Variants in GREB1L observed in about 807,000 individuals in gnomAD.
The protein encoded by GREB1L is GREB1 like retinoic acid receptor coactivator.
A neutral mutation model predicts 200.8 loss-of-function variants in GREB1L; 17 were observed. That is an observed-to-expected ratio of 0.08 (90% confidence interval 0.06 to 0.13). The LOEUF (loss-of-function observed/expected upper bound fraction) is 0.13, where lower values mean the gene tolerates loss of function less well. Ranked by LOEUF, GREB1L falls within the 10% of genes least tolerant of loss-of-function variation. The pLI is 1.00. For missense variants in GREB1L, 1,657 were observed against 2,367.7 expected, an observed-to-expected ratio of 0.70 and a Z score of 6.23; for synonymous variants, 789 against 893.0, an observed-to-expected ratio of 0.88 and a Z score of 2.08.
At chr18:21,410,871 ACTTGAGCC>A (rs2030908914) in intron 7 of GREB1L, among the ~76,000 whole-genome samples, 1 of 151,252 alleles carries the variant, frequency 6.6e-6, no homozygotes, top group African/African-American at 2.4e-5. Flanking sequence ...CAGGAGGATC[ACTTGAGCC>A]CAGGAGGTTG....
In GREB1L at chr18:21,473,204, C is replaced by T; in HGVS notation, c.2356C>T (p.Leu786=). ...AGTTCATGACAACTCCCATGTGGAA[C>T]TAACGAGGTGATTGGTTCAGAGTGA... The part of the protein sequence containing the change: ...VLVHDNSHVE[L]TSVISGSLSH... Residue 786 remains leucine, a synonymous_variant, in exon 16 of 33, where the codon CTA becomes TTA. Transcript: ENST00000424526. The T allele has an allele frequency of 1.3e-6, 2 of 1,524,674 alleles. No homozygotes were observed. The highest frequency in any genetic ancestry group is 1.8e-6 in the Non-Finnish European group (2 of 1,132,090). The allele number at this position is 1,524,674 out of a possible 1,614,324, so 94.4% of individuals were successfully genotyped here.
intron 5 of GREB1L, among the ~76,000 whole-genome samples, chr18:21,400,269 A>G (rs775394326): frequency 2.6e-5 from 4 of 151,684 alleles, no homozygotes; most frequent in Admixed American, 6.6e-5. Flanking sequence ...TCTTTTTTCC[A>G]TGTCCCCTGT....
At chr18:21,250,872 T>G (rs905005745) in intron 1 of GREB1L, among the ~76,000 whole-genome samples, 1 of 152,240 alleles carries the variant, frequency 6.6e-6, no homozygotes, top group African/African-American at 2.4e-5. Flanking sequence ...TCTTGTTTCC[T>G]TTCTTCTTCC....
At chr18:21,302,807 C>T (rs2038639397) in intron 1 of GREB1L, among the ~76,000 whole-genome samples, 2 of 152,078 alleles carry the variant, frequency 1.3e-5, no homozygotes, top group Admixed American at 6.6e-5. Context: ...CTGCAACCTC[C>T]CCCTCCCAGG....
chr18:21,347,072 A>G (rs536997859), intron 1 of GREB1L, among the ~76,000 whole-genome samples: 1 of 152,094 alleles, frequency 6.6e-6, no homozygotes, highest in East Asian at 1.9e-4. Flanking sequence ...AAAACTGTCT[A>G]CCACCGATCA....
At chr18:21,260,512 T>C (rs2037872168) in intron 1 of GREB1L, among the ~76,000 whole-genome samples, 1 of 152,036 alleles carries the variant, frequency 6.6e-6, no homozygotes, top group Admixed American at 6.5e-5. Flanking sequence ...GTTAGCCTGC[T>C]AAATTTTAGC....
At chr18:21,459,979 T>C (rs1348695473) in intron 15 of GREB1L, among the ~76,000 whole-genome samples, 1 of 152,234 alleles carries the variant, frequency 6.6e-6, no homozygotes, top group East Asian at 1.9e-4. Context: ...ACAGCCACAA[T>C]GACTGCCCGC....
rs912603935 is a variant in GREB1L at position 21,500,175 on chromosome 18, G to A, written c.3838G>A (p.Glu1280Lys). 8 of 1,551,010 alleles carry A rather than the reference G, an allele frequency of 5.2e-6. No homozygotes were observed. Among genetic ancestry groups the A allele is most frequent in the African/African-American group, 1.4e-5 (1 of 73,178 alleles). The change falls in exon 22 of 33, where the codon GAG becomes AAG. Residue 1280 changes from glutamate to lysine, a missense_variant. Glu to Lys is a moderately conservative substitution (Grantham distance 56, BLOSUM62 1). This residue lies in a region of GREB1L where 512 missense variants were observed against 668.3 expected (regional missense o/e 0.77). Coordinates refer to ENST00000424526, the MANE Select transcript of GREB1L (RefSeq NM_001142966.3). ...CCTGAACAAGGACATGAGCAGTGAGGAGCAGTCCCTCTACTACAGGCAGTG... is the reference window on the plus strand; with the variant it reads ...CCTGAACAAGGACATGAGCAGTGAGAAGCAGTCCCTCTACTACAGGCAGTG... ...PLLNKDMSSE[E>K]QSLYYRQWTL... is the part of the protein sequence containing the mutation.
chr18:21,485,419 C>A, intron 17 of GREB1L: 1 of 455,926 alleles, frequency 2.2e-6, no homozygotes, highest in Non-Finnish European at 3.9e-6. Flanking sequence ...TATTCAGTTC[C>A]TTTGAAATTA....
chr18:21,298,385 A>G (rs1336043870), intron 1 of GREB1L, among the ~76,000 whole-genome samples: 2 of 152,054 alleles, frequency 1.3e-5, no homozygotes, highest in African/African-American at 2.4e-5. Flanking sequence ...GTATCTACTT[A>G]TTTTCTAATA....
intron 1 of GREB1L, among the ~76,000 whole-genome samples, chr18:21,259,322 A>G (rs1249465966): frequency 6.6e-6 from 1 of 152,182 alleles, no homozygotes. Context: ...TAATTTTTCT[A>G]CTGTGCAAGA....
chr18:21,312,273 G>A (rs895988919), intron 1 of GREB1L, among the ~76,000 whole-genome samples: 1 of 152,130 alleles, frequency 6.6e-6, no homozygotes, highest in Admixed American at 6.5e-5. Flanking sequence ...TGTGAATAGT[G>A]CTTCAGTGAA....
intron 1 of GREB1L, among the ~76,000 whole-genome samples, chr18:21,275,520 G>T (rs555595941): frequency 6.6e-6 from 1 of 152,016 alleles, no homozygotes; most frequent in Non-Finnish European, 1.5e-5. Context: ...GGGCGTGGTG[G>T]TGCTCGCCTG....
chr18:21,293,528 A>G (rs898827422), intron 1 of GREB1L, among the ~76,000 whole-genome samples: 1 of 152,212 alleles, frequency 6.6e-6, no homozygotes, highest in South Asian at 2.1e-4. Context: ...TTAATTAAGC[A>G]CCATTTATTG....
chr18:21,500,553 G>A lies in GREB1L; in HGVS notation c.3983G>A (p.Gly1328Asp), dbSNP rs1176010371. ...LTGPPQVGKT[G>D]SYLQFLRILF... ...TCTTTCCATTAGGTGGGAAAGACGG[G>A]CTCCTATTTACAGTTCCTCAGGATC... The change falls in exon 23 of 33, where the codon GGC becomes GAC. Residue 1328 changes from glycine (G) to aspartate (D), a missense_variant. Around this residue, in one of 9 missense-constraint regions of GREB1L, gnomAD observed 512 missense variants for 668.3 expected, o/e 0.77. Transcript: ENST00000424526. The A allele has an allele frequency of 1.9e-6, 3 of 1,549,580 alleles. No individual in the cohort carries two copies. Among genetic ancestry groups the A allele is most frequent in the African/African-American group, 1.4e-5 (1 of 72,928 alleles).
intron 15 of GREB1L, among the ~76,000 whole-genome samples, chr18:21,457,753 TA>T (rs200013243): frequency 6.6e-6 from 1 of 152,318 alleles, no homozygotes; most frequent in East Asian, 1.9e-4. Flanking sequence ...GAGAAAGGAC[TA>T]GAAGCATGTT....
intron 1 of GREB1L, among the ~76,000 whole-genome samples, chr18:21,343,236 C>G (rs972236019): frequency 1.3e-5 from 2 of 152,134 alleles, no homozygotes; most frequent in Non-Finnish European, 2.9e-5. Flanking sequence ...AACTAAAGTG[C>G]CCCGACTGGA....
chr18:21,376,539 T>G (rs1041763673), intron 2 of GREB1L, among the ~76,000 whole-genome samples: 1 of 151,076 alleles, frequency 6.6e-6, no homozygotes, highest in Non-Finnish European at 1.5e-5. Context: ...GCGCAGTGGC[T>G]CATGCCTGTA....
intron 1 of GREB1L, among the ~76,000 whole-genome samples, chr18:21,289,325 G>A (rs1276532207): frequency 6.6e-6 from 1 of 152,128 alleles, no homozygotes. Context: ...TGAGGCAGGA[G>A]GATTACTTGA....
Sources: allele counts gnomAD v4.1 joint callset (sites outside exome capture counted in the v4.1 genomes callset), GRCh38; gene constraint gnomAD v4.1.1; regional missense constraint gnomAD v4.1.1; transcripts MANE v1.5; gene names NCBI Gene and HGNC (gene_info 2026-07-23, HGNC 2026-07-21).